Variants in ATG2A observed in about 807,000 individuals in gnomAD.
The protein encoded by ATG2A is autophagy-related protein 2 homolog A.
In ATG2A, 103 loss-of-function variants were observed where a neutral mutation model predicts 214.2. The ratio of observed to expected loss-of-function variants is 0.48; its 90% CI spans 0.41 to 0.57. The LOEUF (loss-of-function observed/expected upper bound fraction) is 0.57, where lower values mean the gene tolerates loss of function less well. Among genes scored for constraint, ATG2A ranks in the 20% least tolerant of loss-of-function variants. The probability of loss-of-function intolerance (pLI) is 0.00; values close to 1 mark genes in which losing one functional copy is unlikely to be tolerated. For missense variants in ATG2A, 2,312 were observed against 2,613.2 expected, an observed-to-expected ratio of 0.88 and a Z score of 2.51; for synonymous variants, 1,160 against 1,142.1, an observed-to-expected ratio of 1.02 and a Z score of -0.32.
At position 64,898,134 on chromosome 11, in the gene ATG2A, G is replaced by C. The variant is rs1251587640; in HGVS notation, c.4810C>G (p.Leu1604Val). 6.2e-7 allele frequency: 1 copy of C among 1,614,140 alleles called. No homozygotes were observed. The highest frequency in any genetic ancestry group is 8.5e-7 in the Non-Finnish European group (1 of 1,180,030). ...LFFLKDFFTSLVAGINPVVPG... is the reference protein window; with the variant it reads ...LFFLKDFFTSVVAGINPVVPG... ...ACCACGGGGTTGATGCCGGCCACCA[G>C]ACTAGTGAAGAAGTCCTTGAGGAAG... Residue 1604 changes from leucine (L) to valine (V), a missense_variant, in exon 34 of 41, where the codon CTG becomes GTG. Transcript: ENST00000377264. This position sits in a 1 kb window ranked among gnomAD's most constrained non-coding sequence, Gnocchi z 4.5.
chr11:64,911,395 G>T, intron 9 of ATG2A, 120 bp from the exon 10 acceptor site: 1 of 1,023,936 alleles, frequency 9.8e-7, no homozygotes, highest in Non-Finnish European at 1.4e-6. Context: ...TGTGGCTCTG[G>T]CAGAAGGCTT....
intron 12 of ATG2A, 82 bp from the exon 13 acceptor site, chr11:64,910,277 G>C: frequency 2.7e-6 from 4 of 1,498,544 alleles, no homozygotes; most frequent in Non-Finnish European, 3.6e-6. Context: ...GGTAGTGGGA[G>C]AAGAGCTGGG....
Position 64,895,214 on chromosome 11 carries a change from G to T in ATG2A, c.5581-5C>A, listed in dbSNP as rs372539207. On this transcript the variant is annotated splice_polypyrimidine_tract_variant and splice_region_variant and intron_variant, in intron 40 of 40. Coordinates refer to ENST00000377264, the MANE Select transcript of ATG2A (RefSeq NM_015104.3). The surrounding 1 kb of genome is among the most constrained non-coding windows in gnomAD (Gnocchi z 5.0). The stretch of plus-strand genomic sequence containing the variant: ...CTGAGCTGTATCCAAGATGCCCTGT[G>T]GAAGCCAGAGGTCAGGGCGGGGTCT... 50 of 1,612,906 alleles carry T rather than the reference G, an allele frequency of 3.1e-5. No individual in the cohort carries two copies. The highest frequency in any genetic ancestry group is 3.8e-5 in the Non-Finnish European group (45 of 1,179,700).
Position 64,903,461 on chromosome 11 carries a change from C to T in ATG2A, c.3536-97G>A. On this transcript the variant is annotated intron_variant, in intron 25 of 40. Coordinates refer to ENST00000377264, the MANE Select transcript of ATG2A (RefSeq NM_015104.3). This position sits in a 1 kb window ranked among gnomAD's most constrained non-coding sequence, Gnocchi z 4.2. The stretch of plus-strand genomic sequence containing the variant: ...GATCCGGTTGATCCAGGTGTAGTCC[C>T]TGCTGTGCGGGCTACGTGTGGGAGC... 5.3e-6 allele frequency: 8 copies of T among 1,522,386 alleles called. No individual in the cohort carries two copies. The highest frequency in any genetic ancestry group is 6.3e-6 in the Non-Finnish European group (7 of 1,111,536). The allele number at this position is 1,522,386 out of a possible 1,614,324, so 94.3% of individuals were successfully genotyped here. A position where few individuals can be genotyped will look rare whatever the true frequency, so the allele number is the denominator to read the frequency against.
chr11:64,916,498 C>T (rs1418633862), intron 1 of ATG2A, among the ~76,000 whole-genome samples: 1 of 152,144 alleles, frequency 6.6e-6, no homozygotes, highest in Non-Finnish European at 1.5e-5. Flanking sequence ...GGGCTCAGGA[C>T]CGTGGGGTCA....
At position 64,906,104 on chromosome 11, in the gene ATG2A, C is replaced by G. The variant is rs911923696; in HGVS notation, c.3264+9G>C. 2.6e-6 allele frequency: 4 copies of G among 1,566,670 alleles called. No homozygotes were observed. The African/African-American group carries it at 5.4e-5, about 21-fold the overall frequency. On this transcript the variant is annotated intron_variant, in intron 22 of 40. Transcript: ENST00000377264. ...CTGGGCCATGTGGCTTCCCACCACCCACGCTCACCTGGGAATGCCAGCTCT... is the reference window on the plus strand; with the variant it reads ...CTGGGCCATGTGGCTTCCCACCACCGACGCTCACCTGGGAATGCCAGCTCT...
At chr11:64,911,445 G>A (rs116308388) in intron 9 of ATG2A, among the ~76,000 whole-genome samples, 170 bp from the exon 10 acceptor site, 7,621 of 152,132 alleles carry the variant, frequency 0.05, 602 homozygotes, top group African/African-American at 0.17. Flanking sequence ...AGTAGACCAG[G>A]CCTTCTGCCC....
rs984450322 is a variant in ATG2A, at chr11:64,902,405, G to C, written c.3778-19C>G. ...CCGAGAGCTGGGCCAGGCAGGGGAG[G>C]AGCAATGAGTGAGACAGGACAGAGC... On this transcript the variant is annotated intron_variant, in intron 27 of 40. Transcript: ENST00000377264. 1.3e-6 allele frequency: 2 copies of C among 1,547,330 alleles called. No homozygotes were observed. The highest frequency in any genetic ancestry group is 2.3e-4 in the Middle Eastern group (1 of 4,416).
intron 16 of ATG2A, among the ~76,000 whole-genome samples, chr11:64,908,492 C>G (rs566975998): frequency 6.6e-6 from 1 of 151,776 alleles, no homozygotes; most frequent in African/African-American, 2.4e-5. Flanking sequence ...GCGGAGGTTG[C>G]GGTGAGCCGA....
Position 64,909,377 on chromosome 11 carries a change from G to C in ATG2A, c.2108-10C>G. ...CCATCTTCATAGATACCTGGAGGGG[G>C]ATGGGGAATTAGGGGGGTCATCACT... On this transcript the variant is annotated splice_polypyrimidine_tract_variant and intron_variant, in intron 14 of 40. Coordinates refer to ENST00000377264, the MANE Select transcript of ATG2A (RefSeq NM_015104.3). The C allele has an allele frequency of 1.2e-6, 2 of 1,608,790 alleles. No homozygotes were observed. The highest frequency in any genetic ancestry group is 2.7e-5 in the African/African-American group (2 of 74,950).
intron 37 of ATG2A, 33 bp downstream of exon 37, chr11:64,897,379 C>T: frequency 6.4e-7 from 1 of 1,551,532 alleles, no homozygotes; most frequent in African/African-American, 1.4e-5. Context: ...AGATCAGGGA[C>T]CCTGGAGAGA....
rs369884718 is a variant in ATG2A, at chr11:64,901,019, C to T, written c.4193G>A (p.Arg1398Gln). The change falls in exon 30 of 41, where the codon CGG becomes CAG. Residue 1398 changes from arginine (R) to glutamine (Q), a missense_variant. Arg to Gln is a conservative substitution (Grantham distance 43). Coordinates refer to ENST00000377264, the MANE Select transcript of ATG2A (RefSeq NM_015104.3). ...CAGCAAGTCCGTGCTGCCGATCGGC[C>T]GTGAGAAGTAACCGTCCCTCACAAC... Reference protein sequence around the residue: ...PIVVRDGYFSRPIGSTDLLRA... With the variant: ...PIVVRDGYFSQPIGSTDLLRA... 29 of 1,590,172 alleles carry T rather than the reference C, an allele frequency of 1.8e-5. No individual in the cohort carries two copies. The highest frequency in any genetic ancestry group is 4.6e-5 in the South Asian group (4 of 87,614).
intron 14 of ATG2A, 72 bp from the exon 15 acceptor site, chr11:64,909,439 G>C: frequency 6.6e-7 from 1 of 1,508,182 alleles, no homozygotes. Context: ...TGCCCAGGTC[G>C]GCTCAGAGCT....
Position 64,907,431 on chromosome 11 carries a change from AG to A in ATG2A, c.2655del (p.Phe886LeufsTer45). On this transcript the variant is annotated frameshift_variant, in exon 19 of 41. Transcript: ENST00000377264. LOFTEE classifies it high-confidence loss of function. ...MCKSAFKLAN[C>X]FDLTPDSDSD... Reference sequence around the variant, plus strand: ...GAGTCCGAGTCTGGGGTGAGATCAAAGCAGTTGGCTGGGAAGGAGACCGCGA... The same window carrying A: ...GAGTCCGAGTCTGGGGTGAGATCAAACAGTTGGCTGGGAAGGAGACCGCGA... 6.3e-7 allele frequency: 1 copy of A among 1,597,528 alleles called. No individual in the cohort carries two copies. The highest frequency in any genetic ancestry group is 8.5e-7 in the Non-Finnish European group (1 of 1,172,086).
At position 64,900,892 on chromosome 11, in the gene ATG2A, G is replaced by A. The variant is rs565388643; in HGVS notation, c.4320C>T (p.Pro1440=). Reference sequence around the variant, plus strand: ...CACCCGCTCCTCCTCACCTGTGGCCGGGGTGGGGGCCAAAGTCTCGGCCCC... The same window carrying A: ...CACCCGCTCCTCCTCACCTGTGGCCAGGGTGGGGGCCAAAGTCTCGGCCCC... ...LYGGRDFGPH[P]GHRARTGLSG... Residue 1440 remains proline, a synonymous_variant, in exon 30 of 41, where the codon CCC becomes CCT. Coordinates refer to ENST00000377264, the MANE Select transcript of ATG2A (RefSeq NM_015104.3). 15 of 1,559,470 alleles carry A rather than the reference G, an allele frequency of 9.6e-6. 1 individual carries two copies. The highest frequency in any genetic ancestry group is 3.5e-5 in the South Asian group (3 of 84,766).
chr11:64,912,102 AGAAGGG>A lies in ATG2A; in HGVS notation c.1064_1069del (p.Pro355_Leu356del). ...ACACCCACCAGTGTTATCCAGGTTG[AGAAGGG>A]GGTTGGTAAGGGGGTCTGGGCTGAG... On this transcript the variant is annotated inframe_deletion, in exon 8 of 41. Coordinates refer to ENST00000377264, the MANE Select transcript of ATG2A (RefSeq NM_015104.3). 1 of 1,613,516 alleles carries A rather than the reference AGAAGGG, an allele frequency of 6.2e-7. No homozygotes were observed. The highest frequency in any genetic ancestry group is 8.5e-7 in the Non-Finnish European group (1 of 1,179,646).
chr11:64,898,001 GGA>G lies in ATG2A; in HGVS notation c.4859-29_4859-28del. 6.3e-7 allele frequency: 1 copy of G among 1,577,754 alleles called. No individual in the cohort carries two copies. The highest frequency in any genetic ancestry group is 8.6e-7 in the Non-Finnish European group (1 of 1,164,008). ...TAGGGGAGGGGAGGTCACAGACTGG[GGA>G]TGGGGCCAGGAATGACTGGGAACCT... On this transcript the variant is annotated intron_variant, in intron 34 of 40. Coordinates refer to ENST00000377264, the MANE Select transcript of ATG2A (RefSeq NM_015104.3). The surrounding 1 kb of genome is among the most constrained non-coding windows in gnomAD (Gnocchi z 4.5).
At chr11:64,906,896 G>A in intron 19 of ATG2A, 81 bp from the exon 20 acceptor site, 2 of 1,503,720 alleles carry the variant, frequency 1.3e-6, no homozygotes, top group Non-Finnish European at 1.8e-6. Context: ...GGCTCCTGGA[G>A]CCCTGGCCTA....
At chr11:64,905,925 C>A in intron 22 of ATG2A, 77 bp from the exon 23 acceptor site, 1 of 1,458,482 alleles carries the variant, frequency 6.9e-7, no homozygotes, top group Non-Finnish European at 9.5e-7. Flanking sequence ...CTGTCCTGGC[C>A]CCTGCCTGGC....
Sources: allele counts gnomAD v4.1 joint callset (sites outside exome capture counted in the v4.1 genomes callset), GRCh38; gene constraint gnomAD v4.1.1; non-coding constraint Gnocchi (gnomAD v3.1); transcripts MANE v1.5; gene names NCBI Gene and HGNC (gene_info 2026-07-23, HGNC 2026-07-21).